Variants in HNRNPL observed in about 807,000 individuals in gnomAD.
HNRNPL encodes epididymis secretory sperm binding protein.
Under a neutral mutation model 64.0 loss-of-function variants are expected in HNRNPL, and 12 were observed. The ratio of observed to expected loss-of-function variants is 0.19; its 90% CI spans 0.12 to 0.30. The LOEUF is 0.30. Among genes scored for constraint, HNRNPL ranks in the 10% least tolerant of loss-of-function variants. The pLI, the probability that HNRNPL is intolerant of heterozygous loss-of-function variation, is 1.00. For synonymous variants in HNRNPL, 385 were observed against 313.0 expected (o/e 1.23, Z -2.43); for missense variants, 484 against 797.4 (o/e 0.61, Z 4.73).
Position 38,840,356 on chromosome 19 carries a change from G to T in HNRNPL, c.973C>A (p.His325Asn), listed in dbSNP as rs768279913. ...AEYGGPHGGYHSHYHDEGYGP... is the reference protein window; with the variant it reads ...AEYGGPHGGYNSHYHDEGYGP... ...TAGCCCTCATCATGGTAATGGCTGT[G>T]GTACCCACCGTGGGGCCCTCCTGGG... is the stretch of plus-strand genomic sequence containing the variant. Residue 325 changes from histidine (H) to asparagine (N), a missense_variant, in exon 8 of 13, where the codon CAC becomes AAC. By Grantham distance (68) the His-to-Asn change is moderately conservative (BLOSUM62 1). Transcript: ENST00000221419. The T allele has an allele frequency of 1.3e-6, 2 of 1,552,214 alleles. No homozygotes were observed. The highest frequency in any genetic ancestry group is 8.7e-7 in the Non-Finnish European group (1 of 1,148,986).
chr19:38,846,899 C>G (rs1423907825), intron 2 of HNRNPL, among the ~76,000 whole-genome samples: 1 of 151,924 alleles, frequency 6.6e-6, no homozygotes, highest in Non-Finnish European at 1.5e-5. Context: ...GAGCAAGAGA[C>G]TGTCTCAAAA....
At chr19:38,845,556 G>A (rs1458847974) in intron 4 of HNRNPL, 94 bp downstream of exon 4, 2 of 989,076 alleles carry the variant, frequency 2.0e-6, no homozygotes, top group Admixed American at 3.5e-5. Flanking sequence ...CCACTCCCGT[G>A]GTCAGCAGAC....
At chr19:38,839,479 C>A in intron 8 of HNRNPL, 1 of 175,256 alleles carries the variant, frequency 5.7e-6, no homozygotes, top group Non-Finnish European at 1.2e-5. Context: ...TTATTTAAGC[C>A]CCGTCCTCCA....
intron 6 of HNRNPL, 189 bp downstream of exon 6, chr19:38,843,653 G>A (rs1568371199): frequency 1.7e-6 from 1 of 599,580 alleles, no homozygotes; most frequent in South Asian, 2.0e-5. Flanking sequence ...GCCCCAAGCA[G>A]CAGTGAAGAC....
At chr19:38,839,369 A>C in intron 8 of HNRNPL, 1 of 249,218 alleles carries the variant, frequency 4.0e-6, no homozygotes, top group East Asian at 1.1e-4. Flanking sequence ...AAGGTAAAAT[A>C]CTCCTTCAGC....
At chr19:38,845,121 TTAAAAA>T (rs1972247572) in intron 4 of HNRNPL, 1 of 152,640 alleles carries the variant, frequency 6.6e-6, no homozygotes. Flanking sequence ...ATAAACATCT[TTAAAAA>T]TAAATTCCTA....
At chr19:38,849,440 G>C (rs926914667) in intron 1 of HNRNPL, 7 of 390,460 alleles carry the variant, frequency 1.8e-5, no homozygotes, top group Admixed American at 4.6e-5. Context: ...AGCCCGCGGC[G>C]CCTGCGCACT....
In HNRNPL at chr19:38,848,581, G is replaced by A. The variant is rs979343474; in HGVS notation, c.267+1119C>T. ...TGAGAATCACTGGGCAGAAGTGCGT[G>A]GAAGGTGGGTAGAATTGGATTCTAT... On this transcript the variant is annotated intron_variant, in intron 1 of 12. Transcript: ENST00000221419. Among the ~76,000 whole-genome samples the A allele has an allele frequency of 2.6e-5, 4 of 152,240 alleles. No homozygotes were observed. In the East Asian group the frequency reaches 5.8e-4, roughly 22 times the overall value.
Position 38,849,748 on chromosome 19 carries a change from G to A in HNRNPL, c.219C>T (p.Gly73=), listed in dbSNP as rs557250479. 3.0e-5 allele frequency: 41 copies of A among 1,387,646 alleles called. No homozygotes were observed. The highest frequency in any genetic ancestry group is 3.6e-5 in the Non-Finnish European group (39 of 1,069,392). 86.0% of individuals were successfully genotyped at this position (1,387,646 alleles called of 1,614,324 possible). The change falls in exon 1 of 13, where the codon GGC becomes GGT. Residue 73 remains glycine (G), a synonymous_variant. Coordinates refer to ENST00000221419, the MANE Select transcript of HNRNPL (RefSeq NM_001533.3). Reference sequence around the variant, plus strand: ...CCCCGGCTCCTCCACCGCCACCGCCGCCGCCTCCGTGCTGGTCGCCGGCGT... The same window carrying A: ...CCCCGGCTCCTCCACCGCCACCGCCACCGCCTCCGTGCTGGTCGCCGGCGT... ...TDNAGDQHGG[G]GGGGGGAGAA...
At chr19:38,843,981 G>C (rs745908371) in intron 5 of HNRNPL, 27 bp downstream of exon 5, 1 of 1,606,800 alleles carries the variant, frequency 6.2e-7, no homozygotes, top group Non-Finnish European at 8.5e-7. Context: ...AGCTGACAAG[G>C]GGCAGTCAGT....
At position 38,849,797 on chromosome 19, in the gene HNRNPL, G is replaced by A; in HGVS notation, c.170C>T (p.Ala57Val). 2 of 1,367,630 alleles carry A rather than the reference G, an allele frequency of 1.5e-6. No individual in the cohort carries two copies. The highest frequency in any genetic ancestry group is 1.3e-5 in the South Asian group (1 of 77,414). 84.7% of individuals were successfully genotyped at this position (1,367,630 alleles called of 1,614,324 possible). A position where few individuals can be genotyped will look rare whatever the true frequency, so the allele number is the denominator to read the frequency against. The part of the protein sequence containing the change: ...YYGGGSEGGR[A>V]PKRLKTDNAG... Reference sequence around the variant, plus strand: ...GTTGTCAGTCTTGAGCCGCTTAGGGGCCCGGCCGCCCTCACTGCCGCCGCC... The same window carrying A: ...GTTGTCAGTCTTGAGCCGCTTAGGGACCCGGCCGCCCTCACTGCCGCCGCC... The change falls in exon 1 of 13, where the codon GCC (alanine) becomes GTC (valine). Residue 57 changes from alanine to valine, a missense_variant. Ala to Val is a moderately conservative substitution (Grantham distance 64). Transcript: ENST00000221419.
chr19:38,836,723 T>C lies in HNRNPL; in HGVS notation c.1769A>G (p.Ter590=), dbSNP rs1971940720. The change falls in exon 13 of 13, where the codon TAA becomes TGA. Residue 590 remains the stop codon, a stop_retained_variant. Coordinates refer to ENST00000221419, the MANE Select transcript of HNRNPL (RefSeq NM_001533.3). ...LCFSTAQHAS[*] Reference sequence around the variant, plus strand: ...ATGGGACTCTTCCTAGGCACCTAATTAGGAGGCGTGCTGAGCAGTGGAGAA... The same window carrying C: ...ATGGGACTCTTCCTAGGCACCTAATCAGGAGGCGTGCTGAGCAGTGGAGAA... 6 of 1,605,950 alleles carry C rather than the reference T, an allele frequency of 3.7e-6. No individual in the cohort carries two copies. The highest frequency in any genetic ancestry group is 5.1e-6 in the Non-Finnish European group (6 of 1,174,904).
chr19:38,848,803 G>A (rs73041806), intron 1 of HNRNPL, among the ~76,000 whole-genome samples: 9,083 of 152,264 alleles, frequency 0.06, 319 homozygotes, highest in Non-Finnish European at 0.065. Context: ...ACCTCAGGAA[G>A]CGTTAAGGAT....
At chr19:38,839,966 G>A (rs1600051330) in intron 8 of HNRNPL, 130 bp downstream of exon 8, 12 of 787,840 alleles carry the variant, frequency 1.5e-5, no homozygotes, top group East Asian at 1.2e-4. Context: ...CAGGCTGCCT[G>A]AGCTCACTGA....
chr19:38,843,939 C>T (rs1437851675), intron 5 of HNRNPL, 25 bp from the exon 6 acceptor site: 26 of 1,613,386 alleles, frequency 1.6e-5, no homozygotes, highest in Non-Finnish European at 2.0e-5. Context: ...CAAGACAAGA[C>T]TTGAGGTCAG....
chr19:38,847,647 C>T, intron 1 of HNRNPL: 1 of 336,536 alleles, frequency 3.0e-6, no homozygotes, highest in Non-Finnish European at 5.4e-6. Flanking sequence ...ATCACTTGCC[C>T]ACTGGCTCTT....
At chr19:38,840,918 G>A (rs1439421085) in intron 6 of HNRNPL, 2 of 275,926 alleles carry the variant, frequency 7.2e-6, no homozygotes, top group Middle Eastern at 1.1e-3. Context: ...GCCAAAAGCA[G>A]CTTTCTAAAG....
intron 10 of HNRNPL, 63 bp downstream of exon 10, chr19:38,838,334 G>T: frequency 2.2e-6 from 3 of 1,373,632 alleles, no homozygotes; most frequent in East Asian, 2.3e-5. Flanking sequence ...AGACTGAAAT[G>T]AATGGCCTAC....
chr19:38,840,891 C>G (rs1972094506), intron 6 of HNRNPL: 6 of 348,780 alleles, frequency 1.7e-5, no homozygotes, highest in Middle Eastern at 7.4e-4. Context: ...GCTACAGAAG[C>G]TGATATATTA....
Sources: gnomAD v4.1 joint callset for allele counts (sites outside exome capture counted in the v4.1 genomes callset) on GRCh38, gnomAD v4.1.1 for gene constraint, MANE v1.5 for transcripts, NCBI Gene and HGNC (gene_info 2026-07-23, HGNC 2026-07-21) for gene names.